The following MROH7 variants were observed in gnomAD, a reference collection of about 807,000 sequenced individuals.
The protein encoded by MROH7 is maestro heat like repeat family member 7.
MROH7 carries 113 observed loss-of-function variants against 129.2 expected under a neutral mutation model. That is an observed-to-expected ratio of 0.87 (90% CI 0.75 to 1.02). MROH7 has a LOEUF of 1.02. Among genes scored for constraint, MROH7 ranks in the 50% least tolerant of loss-of-function variants. The probability of loss-of-function intolerance (pLI) is 0.00; values close to 1 mark genes in which losing one functional copy is unlikely to be tolerated. For synonymous variants in MROH7, 655 were observed against 667.9 expected (o/e 0.98, Z 0.30); for missense variants, 1,601 against 1,671.3 (o/e 0.96, Z 0.73).
Position 54,679,299 on chromosome 1 carries a change from G to A in MROH7, c.2086G>A (p.Asp696Asn). Residue 696 changes from aspartate to asparagine, a missense_variant, in exon 12 of 24, where the codon GAC (aspartate) becomes AAC (asparagine). Asp to Asn is a conservative substitution (Grantham distance 23). Coordinates refer to ENST00000421030, the MANE Select transcript of MROH7 (RefSeq NM_001039464.4). ...CTTCCTGGGGCCCCAGCAGATAAAG[G>A]ACCTGCTGCTGGCCGCCCTGGAAGG... is the stretch of plus-strand genomic sequence containing the variant. ...GDFLGPQQIKDLLLAALEGLK... is the reference protein window; with the variant it reads ...GDFLGPQQIKNLLLAALEGLK... 3 of 1,614,210 alleles carry A rather than the reference G, an allele frequency of 1.9e-6. No individual in the cohort carries two copies. The highest frequency in any genetic ancestry group is 2.5e-6 in the Non-Finnish European group (3 of 1,180,040).
chr1:54,669,930 G>A (rs184493983), intron 5 of MROH7, among the ~76,000 whole-genome samples: 1 of 151,850 alleles, frequency 6.6e-6, no homozygotes, highest in East Asian at 1.9e-4. Flanking sequence ...CTTGAGCTAG[G>A]GAGGCAGAGG....
intron 21 of MROH7, 133 bp downstream of exon 21, chr1:54,702,878 G>A (rs1447850673): frequency 3.3e-5 from 36 of 1,093,632 alleles, no homozygotes; most frequent in South Asian, 3.0e-4. Flanking sequence ...GTTCTGGAAC[G>A]TTCCTCTCCA....
chr1:54,705,765 C>T (rs1420503717), intron 21 of MROH7, among the ~76,000 whole-genome samples: 1 of 152,120 alleles, frequency 6.6e-6, no homozygotes, highest in Non-Finnish European at 1.5e-5. Context: ...AGAACATGAT[C>T]ATGAAGCTTT....
intron 19 of MROH7, 115 bp from the exon 20 acceptor site, chr1:54,701,975 A>T: frequency 1.1e-6 from 1 of 897,000 alleles, no homozygotes; most frequent in Non-Finnish European, 1.6e-6. Flanking sequence ...CTGGCTGGGA[A>T]GAGTCGGGAG....
chr1:54,700,561 T>C, intron 18 of MROH7, 100 bp downstream of exon 18: 1 of 1,178,486 alleles, frequency 8.5e-7, no homozygotes, highest in Non-Finnish European at 1.2e-6. Context: ...ACAGCTGGAA[T>C]GAGACATCAT....
At chr1:54,686,164 A>T in intron 14 of MROH7, 94 bp from the exon 15 acceptor site, 1 of 1,188,526 alleles carries the variant, frequency 8.4e-7, no homozygotes, top group Non-Finnish European at 1.2e-6. Flanking sequence ...GCAAAGACCC[A>T]GATCCTACCT....
rs1173368747 is a variant in MROH7, at chr1:54,695,404, C to T, written c.2878C>T (p.Leu960=). The T allele has an allele frequency of 6.8e-6, 11 of 1,613,220 alleles. No individual in the cohort carries two copies. Among genetic ancestry groups the T allele is most frequent in the Non-Finnish European group, 8.5e-6 (10 of 1,179,562 alleles). The change falls in exon 17 of 24, where the codon CTG becomes TTG. Residue 960 remains leucine, a synonymous_variant. Transcript: ENST00000421030. ...CATGGTGCAGTACTCCTGCCAGGAG[C>T]TGTGCCGCATCCTCTACCTGCTCAT... ...RAMVQYSCQE[L]CRILYLLIPL... is the part of the protein sequence containing the mutation.
chr1:54,675,933 G>A (rs906162278), intron 10 of MROH7, among the ~76,000 whole-genome samples: 3 of 151,934 alleles, frequency 2.0e-5, no homozygotes, highest in Admixed American at 6.6e-5. Context: ...ACCGCACCCC[G>A]CCGAGGCAGC....
At chr1:54,642,589 A>G (rs1480682104) in intron 1 of MROH7, among the ~76,000 whole-genome samples, 1 of 152,116 alleles carries the variant, frequency 6.6e-6, no homozygotes, top group Non-Finnish European at 1.5e-5. Context: ...TCCAGCCTCT[A>G]CCACTTGCTT....
intron 13 of MROH7, among the ~76,000 whole-genome samples, 178 bp downstream of exon 13, chr1:54,680,223 C>T (rs1273052092): frequency 6.6e-6 from 1 of 152,144 alleles, no homozygotes; most frequent in Non-Finnish European, 1.5e-5. Flanking sequence ...CTGCTGTCAG[C>T]GCCGAGCATT....
In MROH7 at chr1:54,651,972, C is replaced by T. The variant is rs2101063941; in HGVS notation, c.-86C>T. The T allele has an allele frequency of 6.6e-6, 1 of 152,058 alleles. No individual in the cohort carries two copies. The highest frequency in any genetic ancestry group is 2.1e-4 in the South Asian group (1 of 4,784). 9.4% of individuals were successfully genotyped at this position (152,058 alleles called of 1,614,324 possible). On this transcript the variant is annotated 5_prime_UTR_variant, in exon 2 of 24. Coordinates refer to ENST00000421030, the MANE Select transcript of MROH7 (RefSeq NM_001039464.4). ...AGGGGCCCGCTCCTGCTTAAAAACA[C>T]CATGCATGCAGGTGAGCTGTCCCTA...
chr1:54,643,614 G>A (rs1644419695), intron 1 of MROH7, among the ~76,000 whole-genome samples: 2 of 152,110 alleles, frequency 1.3e-5, no homozygotes, highest in South Asian at 4.1e-4. Context: ...AGTGATTCCT[G>A]GATCCCTTCA....
Position 54,695,467 on chromosome 1 carries a change from A to C in MROH7, c.2941A>C (p.Thr981Pro). 4 of 1,613,738 alleles carry C rather than the reference A, an allele frequency of 2.5e-6. No individual in the cohort carries two copies. The highest frequency in any genetic ancestry group is 2.5e-6 in the Non-Finnish European group (3 of 1,179,812). ...LERGDEKHRI[T>P]ATAFFVELLQ... ...GCGAGGCGACGAGAAGCACAGGATC[A>C]CGGCCACCGCCTTCTTCGTGGAGGT... The change falls in exon 17 of 24, where the codon ACG (threonine) becomes CCG (proline). Residue 981 changes from threonine (T) to proline (P), a missense_variant. Physicochemically the swap from Thr to Pro is conservative, Grantham distance 38. Coordinates refer to ENST00000421030, the MANE Select transcript of MROH7 (RefSeq NM_001039464.4).
At chr1:54,681,337 C>T (rs1051970343) in intron 13 of MROH7, among the ~76,000 whole-genome samples, 31 of 152,166 alleles carry the variant, frequency 2.0e-4, no homozygotes, top group African/African-American at 7.0e-4. Context: ...ATGGCACAGG[C>T]CTCACAGAGA....
chr1:54,663,134 G>A (rs1327170055), intron 3 of MROH7, among the ~76,000 whole-genome samples: 1 of 152,140 alleles, frequency 6.6e-6, no homozygotes, highest in Non-Finnish European at 1.5e-5. Flanking sequence ...TAAATATCGT[G>A]TGGTCAGGTA....
rs1351205184 is a variant in MROH7, at chr1:54,710,248, G to A, written c.*61G>A. The stretch of plus-strand genomic sequence containing the variant: ...AGTTCCAGCCATGCTCCCTATAAAT[G>A]TCATGTGGCTTACCTCTCCATCTTG... On this transcript the variant is annotated 3_prime_UTR_variant, in exon 24 of 24. Transcript: ENST00000421030. 1 of 1,566,844 alleles carries A rather than the reference G, an allele frequency of 6.4e-7. No individual in the cohort carries two copies. The highest frequency in any genetic ancestry group is 2.3e-5 in the East Asian group (1 of 44,238).
intron 17 of MROH7, 158 bp downstream of exon 17, chr1:54,695,648 C>G (rs766974587): frequency 1.1e-4 from 76 of 690,402 alleles, no homozygotes; most frequent in Non-Finnish European, 1.9e-4. Context: ...GTCTCCCTCC[C>G]TCCCCTCCCT....
In MROH7 at chr1:54,673,709, G is replaced by A. The variant is rs1172319706; in HGVS notation, c.1704G>A (p.Gly568=). The change falls in exon 9 of 24, where the codon GGG becomes GGA. Residue 568 remains glycine, a synonymous_variant. Coordinates refer to ENST00000421030, the MANE Select transcript of MROH7 (RefSeq NM_001039464.4). ...TGCTTTTGATCCCACAGGCCCTGGG[G>A]CCTTGGATGAACTCTGGGAAGGCCC... ...AGLKSILEAL[G]PWMNSGKAHE... 6.2e-7 allele frequency: 1 copy of A among 1,613,614 alleles called. No individual in the cohort carries two copies. Among genetic ancestry groups the A allele is most frequent in the Non-Finnish European group, 8.5e-7 (1 of 1,179,618 alleles).
intron 20 of MROH7, 102 bp downstream of exon 20, chr1:54,702,347 C>T: frequency 1.8e-6 from 2 of 1,089,658 alleles, no homozygotes; most frequent in Non-Finnish European, 1.2e-6. Context: ...ATCCTGGGGG[C>T]AGTTATGTAT....
Sources: allele counts gnomAD v4.1 joint callset (sites outside exome capture counted in the v4.1 genomes callset), GRCh38; gene constraint gnomAD v4.1.1; transcripts MANE v1.5; gene names NCBI Gene and HGNC (gene_info 2026-07-23, HGNC 2026-07-21).